The following WWOX variants were observed in gnomAD, a reference collection of about 807,000 sequenced individuals.
WWOX encodes WW domain-containing oxidoreductase.
A neutral mutation model predicts 46.2 loss-of-function variants in WWOX; 69 were observed. That is an observed-to-expected ratio of 1.49 (90% CI 1.23 to 1.82). The LOEUF (loss-of-function observed/expected upper bound fraction) is 1.82, where lower values mean the gene tolerates loss of function less well. Among genes scored for constraint, WWOX ranks in the 40% most tolerant of loss-of-function variants. The probability of loss-of-function intolerance (pLI) is 0.00; values close to 1 mark genes in which losing one functional copy is unlikely to be tolerated. For missense variants in WWOX, 919 were observed against 542.6 expected, an observed-to-expected ratio of 1.69 and a Z score of -6.89; for synonymous variants, 359 against 202.6, an observed-to-expected ratio of 1.77 and a Z score of -6.56.
At chr16:78,413,361 C>G (rs2082725746) in intron 6 of WWOX, among the ~76,000 whole-genome samples, 1 of 152,094 alleles carries the variant, frequency 6.6e-6, no homozygotes, top group Non-Finnish European at 1.5e-5. Context: ...TGGGCTGAGT[C>G]TGAAAAAGGA....
intron 5 of WWOX, among the ~76,000 whole-genome samples, chr16:78,361,481 G>A (rs1236761861): frequency 6.6e-6 from 1 of 152,096 alleles, no homozygotes; most frequent in African/African-American, 2.4e-5. Context: ...TTCTATTGTT[G>A]GATCTTGCCT....
chr16:78,870,326 C>T (rs1018311014), intron 8 of WWOX, among the ~76,000 whole-genome samples: 1 of 152,156 alleles, frequency 6.6e-6, no homozygotes, highest in Non-Finnish European at 1.5e-5. Flanking sequence ...TTCTAAGAAT[C>T]ATAAGTTTTT....
Position 78,327,853 on chromosome 16 carries a change from G to T in WWOX, c.517-59007G>T, listed in dbSNP as rs185903394. Among the ~76,000 whole-genome samples the T allele has an allele frequency of 2.0e-5, 3 of 148,166 alleles. No homozygotes were observed. The East Asian group carries it at 6.0e-4, about 30-fold the overall frequency. On this transcript the variant is annotated intron_variant, in intron 5 of 8. Transcript: ENST00000566780. ...AAAGCAAGACATTAGGAATGAGCTAGCCTGAATGAGTCCTGATTTTTTTTT... is the reference window on the plus strand; with the variant it reads ...AAAGCAAGACATTAGGAATGAGCTATCCTGAATGAGTCCTGATTTTTTTTT...
chr16:78,951,787 G>C (rs1438804235), intron 8 of WWOX, among the ~76,000 whole-genome samples: 1 of 152,174 alleles, frequency 6.6e-6, no homozygotes, highest in African/African-American at 2.4e-5. Flanking sequence ...AAGGGGGCCA[G>C]CCAGGATGGT....
chr16:79,178,730 C>G (rs2050852106), intron 8 of WWOX, among the ~76,000 whole-genome samples: 1 of 152,190 alleles, frequency 6.6e-6, no homozygotes, highest in Non-Finnish European at 1.5e-5. Context: ...ACCTAATGCT[C>G]TTCCTGGATG....
Position 79,032,617 on chromosome 16 carries a change from A to C in WWOX, c.1057-178991A>C, listed in dbSNP as rs111257947. Among the ~76,000 whole-genome samples, 65 of 148,912 alleles carry C rather than the reference A, an allele frequency of 4.4e-4. 1 individual carries two copies. The highest frequency in any genetic ancestry group is 1.6e-3 in the African/African-American group (65 of 40,880). On this transcript the variant is annotated intron_variant, in intron 8 of 8. Transcript: ENST00000566780. ...AAACATATATATAATGAATATAATTATATAATTCATATAATATATGTAATA... is the reference window on the plus strand; with the variant it reads ...AAACATATATATAATGAATATAATTCTATAATTCATATAATATATGTAATA...
At chr16:78,588,664 T>A (rs955515251) in intron 8 of WWOX, among the ~76,000 whole-genome samples, 1 of 152,226 alleles carries the variant, frequency 6.6e-6, no homozygotes, top group African/African-American at 2.4e-5. Context: ...GAGTGTTCTT[T>A]CCTGCTGAGG....
At chr16:78,971,338 C>T (rs1254606882) in intron 8 of WWOX, among the ~76,000 whole-genome samples, 1 of 151,184 alleles carries the variant, frequency 6.6e-6, no homozygotes, top group African/African-American at 2.4e-5. Flanking sequence ...ACTTGTAATC[C>T]CAGCTACTCA....
Position 79,211,397 on chromosome 16 carries a change from C to T in WWOX, c.1057-211C>T, listed in dbSNP as rs534381406. Among the ~76,000 whole-genome samples, 3 of 152,288 alleles carry T rather than the reference C, an allele frequency of 2.0e-5. No homozygotes were observed. The East Asian group carries it at 5.8e-4, about 29-fold the overall frequency. On this transcript the variant is annotated intron_variant, in intron 8 of 8. Transcript: ENST00000566780. ...GGTGTCAAAAGTTACACCAGCTTTA[C>T]AAGCGGAGTTTATGAACTCGTTTTT... is the stretch of plus-strand genomic sequence containing the variant.
At chr16:78,737,603 G>A (rs955536572) in intron 8 of WWOX, among the ~76,000 whole-genome samples, 1 of 152,048 alleles carries the variant, frequency 6.6e-6, no homozygotes, top group Non-Finnish European at 1.5e-5. Flanking sequence ...CCTTCTCCCT[G>A]AGTTCCCAAA....
At chr16:78,327,361 A>G (rs1471786357) in intron 5 of WWOX, among the ~76,000 whole-genome samples, 2 of 151,992 alleles carry the variant, frequency 1.3e-5, no homozygotes, top group African/African-American at 4.8e-5. Flanking sequence ...TTGTCACTCC[A>G]TTTTGTGCTG....
intron 8 of WWOX, among the ~76,000 whole-genome samples, chr16:79,065,791 A>T (rs751832433): frequency 6.6e-6 from 1 of 152,168 alleles, no homozygotes; most frequent in Middle Eastern, 3.2e-3. Context: ...ACTTTGCCCT[A>T]TGCCCAGGGA....
At position 78,691,656 on chromosome 16, in the gene WWOX, C is replaced by T. The variant is rs576426016; in HGVS notation, c.1056+258904C>T. Among the ~76,000 whole-genome samples, 17 of 152,206 alleles carry T rather than the reference C, an allele frequency of 1.1e-4. No individual in the cohort carries two copies. The South Asian group carries it at 1.7e-3, about 15-fold the overall frequency. On this transcript the variant is annotated intron_variant, in intron 8 of 8. Transcript: ENST00000566780. Reference sequence around the variant, plus strand: ...CTAGGAGGTTGAGAGTGCAGTGAGCCGTGTTGCTGCCACTGTACTCCAGCC... The same window carrying T: ...CTAGGAGGTTGAGAGTGCAGTGAGCTGTGTTGCTGCCACTGTACTCCAGCC...
chr16:78,435,595 C>T (rs540411875), intron 8 of WWOX, among the ~76,000 whole-genome samples: 1 of 152,218 alleles, frequency 6.6e-6, no homozygotes, highest in East Asian at 1.9e-4. Context: ...TTGAAGTTGT[C>T]TGTGGAGGGG....
chr16:79,189,004 T>C (rs896259364), intron 8 of WWOX, among the ~76,000 whole-genome samples: 3 of 151,952 alleles, frequency 2.0e-5, no homozygotes, highest in African/African-American at 7.3e-5. Flanking sequence ...GGAAAGCTTT[T>C]GGATTCTGTG....
At chr16:78,657,213 C>G (rs911238005) in intron 8 of WWOX, among the ~76,000 whole-genome samples, 9 of 152,114 alleles carry the variant, frequency 5.9e-5, no homozygotes, top group African/African-American at 2.2e-4. Flanking sequence ...TTGTCATCAT[C>G]TCCACCATCA....
In WWOX at chr16:78,723,977, A is replaced by G. The variant is rs1238196806; in HGVS notation, c.1056+291225A>G. Among the ~76,000 whole-genome samples, 6 of 152,262 alleles carry G rather than the reference A, an allele frequency of 3.9e-5. No homozygotes were observed. The South Asian group carries it at 6.2e-4, about 16-fold the overall frequency. Reference sequence around the variant, plus strand: ...CACCATCCATCCCCCCATGGCCTCCATGGTACCCTCTGATTCAGGCTCAGC... The same window carrying G: ...CACCATCCATCCCCCCATGGCCTCCGTGGTACCCTCTGATTCAGGCTCAGC... On this transcript the variant is annotated intron_variant, in intron 8 of 8. Coordinates refer to ENST00000566780, the MANE Select transcript of WWOX (RefSeq NM_016373.4).
At chr16:78,795,154 T>TA (rs1279368936) in intron 8 of WWOX, among the ~76,000 whole-genome samples, 2 of 152,200 alleles carry the variant, frequency 1.3e-5, no homozygotes, top group Admixed American at 1.3e-4. Context: ...AAGAATGTCT[T>TA]ACATTTATAG....
chr16:78,468,120 C>G (rs1401237334), intron 8 of WWOX, among the ~76,000 whole-genome samples: 1 of 152,140 alleles, frequency 6.6e-6, no homozygotes, highest in African/African-American at 2.4e-5. Flanking sequence ...TGTTCATGGC[C>G]TCTGGGAGTC....
Sources: allele counts gnomAD v4.1 joint callset (sites outside exome capture counted in the v4.1 genomes callset), GRCh38; gene constraint gnomAD v4.1.1; transcripts MANE v1.5; gene names NCBI Gene and HGNC (gene_info 2026-07-23, HGNC 2026-07-21).